ITGAM: variants seen among roughly 807,000 people sequenced by gnomAD.
The protein encoded by ITGAM is integrin alpha-M.
ITGAM carries 79 observed loss-of-function variants against 137.5 expected under a neutral mutation model. The ratio of observed to expected loss-of-function variants is 0.57; its 90% CI spans 0.48 to 0.69. The LOEUF is 0.69. ITGAM is among the 30% of genes least tolerant of loss of function. The probability of loss-of-function intolerance (pLI) is 0.00; values close to 1 mark genes in which losing one functional copy is unlikely to be tolerated. For synonymous variants in ITGAM, 583 were observed against 592.3 expected, an observed-to-expected ratio of 0.98 and a Z score of 0.23; for missense variants, 1,343 against 1,483.5, an observed-to-expected ratio of 0.91 and a Z score of 1.56.
chr16:31,275,675 C>T lies in ITGAM; in HGVS notation c.985C>T (p.Arg329Trp), dbSNP rs2079898990. ...EALKTIQNQLREKIFAIEGTQ... is the reference protein window; with the variant it reads ...EALKTIQNQLWEKIFAIEGTQ... Reference sequence around the variant, plus strand: ...TCTGAAGACCATTCAGAACCAGCTTCGGGAGAAGATCTTTGCGATCGAGGG... The same window carrying T: ...TCTGAAGACCATTCAGAACCAGCTTTGGGAGAAGATCTTTGCGATCGAGGG... The change falls in exon 9 of 30, where the codon CGG becomes TGG. Residue 329 changes from arginine (R) to tryptophan (W), a missense_variant. Arg to Trp is a moderately radical substitution (Grantham distance 101). Coordinates refer to ENST00000544665, the MANE Select transcript of ITGAM (RefSeq NM_000632.4). 9 of 1,613,850 alleles carry T rather than the reference C, an allele frequency of 5.6e-6. No homozygotes were observed. Among genetic ancestry groups the T allele is most frequent in the Middle Eastern group, 3.3e-4 (2 of 6,060 alleles).
chr16:31,323,126 G>A (rs571150982), intron 16 of ITGAM, among the ~76,000 whole-genome samples: 26 of 151,956 alleles, frequency 1.7e-4, no homozygotes, highest in African/African-American at 5.1e-4. Context: ...GAAAGATGCA[G>A]TAGTTAAAGA....
At chr16:31,312,422 T>C (rs1567273454) in intron 14 of ITGAM, among the ~76,000 whole-genome samples, 1 of 152,152 alleles carries the variant, frequency 6.6e-6, no homozygotes, top group Non-Finnish European at 1.5e-5. Flanking sequence ...AAAATGTATT[T>C]ATTATTTATT....
intron 14 of ITGAM, among the ~76,000 whole-genome samples, chr16:31,310,642 T>G (rs908239711): frequency 9.2e-5 from 14 of 152,218 alleles, no homozygotes; most frequent in African/African-American, 3.1e-4. Context: ...TGGTTTGAAC[T>G]TCCTCCTTTA....
intron 14 of ITGAM, among the ~76,000 whole-genome samples, chr16:31,305,275 A>C (rs190905451): frequency 6.6e-6 from 1 of 152,138 alleles, no homozygotes; most frequent in East Asian, 1.9e-4. Flanking sequence ...TTGTTGGTGT[A>C]TAGCAGTGCT....
chr16:31,275,339 C>T (rs2079894799), intron 8 of ITGAM, among the ~76,000 whole-genome samples: 1 of 152,212 alleles, frequency 6.6e-6, no homozygotes, highest in Non-Finnish European at 1.5e-5. Context: ...GATCAGCAGC[C>T]GGGTTTCTGC....
At chr16:31,287,647 A>AT (rs1214078665) in intron 12 of ITGAM, among the ~76,000 whole-genome samples, 1 of 151,934 alleles carries the variant, frequency 6.6e-6, no homozygotes, top group African/African-American at 2.4e-5. Flanking sequence ...TGTTTTTAAA[A>AT]TTTTTGTCGG....
chr16:31,321,372 G>T lies in ITGAM; in HGVS notation c.1838+1G>T, dbSNP rs1201033488. On this transcript the variant is annotated splice_donor_variant, in intron 15 of 29. Transcript: ENST00000544665. LOFTEE classifies it high-confidence loss of function. Reference sequence around the variant, plus strand: ...CCCAGGGGCACGTGCTGCTGCTCAGGTGAGAATGCCTTTTGGAGTCAACCG... The same window carrying T: ...CCCAGGGGCACGTGCTGCTGCTCAGTTGAGAATGCCTTTTGGAGTCAACCG... 6.2e-7 allele frequency: 1 copy of T among 1,614,006 alleles called. No homozygotes were observed. The highest frequency in any genetic ancestry group is 8.5e-7 in the Non-Finnish European group (1 of 1,179,896).
At chr16:31,310,763 G>A (rs543913522) in intron 14 of ITGAM, among the ~76,000 whole-genome samples, 1 of 152,264 alleles carries the variant, frequency 6.6e-6, no homozygotes, top group Non-Finnish European at 1.5e-5. Flanking sequence ...TGTAGGAGGA[G>A]AGGCGCTCTG....
chr16:31,331,226 CT>C lies in ITGAM; in HGVS notation c.3339del (p.Val1114SerfsTer27). On this transcript the variant is annotated frameshift_variant, in exon 29 of 30. Coordinates refer to ENST00000544665, the MANE Select transcript of ITGAM (RefSeq NM_000632.4). LOFTEE classifies it high-confidence loss of function. ...PNPLPLIVGSSVGGLLLLALI... is the reference protein window; with the variant it reads ...PNPLPLIVGSXVGGLLLLALI... The stretch of plus-strand genomic sequence containing the variant: ...CCCCTGCCGCTCATCGTGGGCAGCT[CT>C]GTCGGGGGACTGCTGCTCCTGGCCC... The C allele has an allele frequency of 6.2e-7, 1 of 1,613,558 alleles. No individual in the cohort carries two copies. Among genetic ancestry groups the C allele is most frequent in the Non-Finnish European group, 8.5e-7 (1 of 1,179,748 alleles).
chr16:31,273,644 C>T (rs1037206022), intron 8 of ITGAM, 126 bp downstream of exon 8: 37 of 861,968 alleles, frequency 4.3e-5, no homozygotes, highest in East Asian at 1.6e-4. Flanking sequence ...TCATATACAC[C>T]GTATCAGCTA....
At chr16:31,306,708 C>T (rs1303007124) in intron 14 of ITGAM, among the ~76,000 whole-genome samples, 3 of 152,004 alleles carry the variant, frequency 2.0e-5, no homozygotes, top group Admixed American at 2.0e-4. Flanking sequence ...GATTGGGTTT[C>T]ACCATGTTGG....
chr16:31,276,614 G>A (rs1469990910), intron 9 of ITGAM, 57 bp from the exon 10 acceptor site: 25 of 1,298,260 alleles, frequency 1.9e-5, no homozygotes, highest in African/African-American at 1.5e-5. Context: ...TTACAGGCGT[G>A]AGCCACCATG....
chr16:31,283,681 G>A (rs563577668), intron 12 of ITGAM, among the ~76,000 whole-genome samples: 20 of 152,220 alleles, frequency 1.3e-4, no homozygotes, highest in South Asian at 2.1e-4. Context: ...CCTTTAGCTC[G>A]GAGAAGTTTG....
chr16:31,269,690 CA>C, intron 5 of ITGAM, among the ~76,000 whole-genome samples: 1 of 152,264 alleles, frequency 6.6e-6, no homozygotes, highest in Middle Eastern at 3.4e-3. Context: ...AAGCCCTGGG[CA>C]AGCAGGTCTG....
rs542141081 is a variant in ITGAM at position 31,310,678 on chromosome 16, G to A, written c.1708-10563G>A. ...GCTCAGAGTAGTTTGATCTTCTGAA[G>A]CCTTCCTCTCTCAACTCGTCAAAGT... On this transcript the variant is annotated intron_variant, in intron 14 of 29. Transcript: ENST00000544665. Among the ~76,000 whole-genome samples the A allele has an allele frequency of 2.6e-5, 4 of 152,266 alleles. No homozygotes were observed. The South Asian group carries it at 8.3e-4, about 32-fold the overall frequency.
At chr16:31,311,852 A>T (rs1237271526) in intron 14 of ITGAM, among the ~76,000 whole-genome samples, 1 of 152,070 alleles carries the variant, frequency 6.6e-6, no homozygotes, top group East Asian at 1.9e-4. Flanking sequence ...TTATTGCGGC[A>T]CTATTCACAA....
rs143064736 is a variant in ITGAM, at chr16:31,290,998, G to T, written c.1357-6516G>T. Among the ~76,000 whole-genome samples the T allele has an allele frequency of 4.1e-4, 63 of 152,152 alleles. No individual in the cohort carries two copies. In the East Asian group the frequency reaches 0.012, roughly 28 times the overall value. ...GCATAAAATACCATGAAATATTTAG[G>T]TATAAATCAAACGAATCATGTACGG... On this transcript the variant is annotated intron_variant, in intron 12 of 29. Transcript: ENST00000544665.
chr16:31,277,004 A>T lies in ITGAM; in HGVS notation c.1168A>T (p.Ile390Phe). The change falls in exon 11 of 30, where the codon ATC becomes TTC. Residue 390 changes from isoleucine (I) to phenylalanine (F), a missense_variant. Ile to Phe is a conservative substitution (Grantham distance 21). Coordinates refer to ENST00000544665, the MANE Select transcript of ITGAM (RefSeq NM_000632.4). ...LYTSKEKSTF[I>F]NMTRVDSDMN... ...TACATCAAAGGAGAAAAGCACCTTC[A>T]TCAACATGACCAGAGTGGATTCAGA... 6.2e-7 allele frequency: 1 copy of T among 1,613,320 alleles called. No homozygotes were observed. Among genetic ancestry groups the T allele is most frequent in the Non-Finnish European group, 8.5e-7 (1 of 1,179,608 alleles).
At chr16:31,264,700 CTAATTTT>C (rs1164114166) in intron 2 of ITGAM, among the ~76,000 whole-genome samples, 1 of 151,908 alleles carries the variant, frequency 6.6e-6, no homozygotes, top group African/African-American at 2.4e-5. Context: ...CCATACCTGG[CTAATTTT>C]TAAAAACATT....
Sources: gnomAD v4.1 joint callset for allele counts (sites outside exome capture counted in the v4.1 genomes callset) on GRCh38, gnomAD v4.1.1 for gene constraint, MANE v1.5 for transcripts, NCBI Gene and HGNC (gene_info 2026-07-23, HGNC 2026-07-21) for gene names.